DNAH12: variants seen among roughly 807,000 people sequenced by gnomAD.
DNAH12 encodes the protein dynein axonemal heavy chain 12.
DNAH12 carries 285 observed loss-of-function variants against 371.5 expected under a neutral mutation model. The ratio of observed to expected loss-of-function variants is 0.77; its 90% CI spans 0.70 to 0.85. The LOEUF is 0.85. DNAH12 is among the 40% of genes least tolerant of loss of function. The pLI, the probability that DNAH12 is intolerant of heterozygous loss-of-function variation, is 0.00. For missense variants in DNAH12, 3,611 were observed against 3,689.4 expected, an observed-to-expected ratio of 0.98 and a Z score of 0.55; for synonymous variants, 1,200 against 1,213.0, an observed-to-expected ratio of 0.99 and a Z score of 0.22.
chr3:57,325,263 GCCT>G (rs1024879977), intron 62 of DNAH12, among the ~76,000 whole-genome samples: 2 of 152,230 alleles, frequency 1.3e-5, no homozygotes, highest in African/African-American at 2.4e-5. Flanking sequence ...CGGGCAGACT[GCCT>G]CCTCAAGTGG....
intron 45 of DNAH12, among the ~76,000 whole-genome samples, chr3:57,391,531 T>G (rs2063623314): frequency 6.6e-6 from 1 of 152,170 alleles, no homozygotes; most frequent in Admixed American, 6.5e-5. Context: ...ACATACAAAT[T>G]TCCTATTGAT....
At position 57,322,333 on chromosome 3, in the gene DNAH12, T is replaced by C. The variant is rs772387132; in HGVS notation, c.10524+10A>G. On this transcript the variant is annotated intron_variant, in intron 65 of 73. Coordinates refer to ENST00000495027, the MANE Select transcript of DNAH12 (RefSeq NM_001366028.2). ...AACACATTTTAAAAGTTCCAAAAGA[T>C]GAATATTACCAGTTCCTTTCCACGG... 4 of 1,540,900 alleles carry C rather than the reference T, an allele frequency of 2.6e-6. No individual in the cohort carries two copies. The highest frequency in any genetic ancestry group is 3.5e-6 in the Non-Finnish European group (4 of 1,142,222).
Position 57,454,784 on chromosome 3 carries a change from G to A in DNAH12, c.3447C>T (p.Gly1149=), listed in dbSNP as rs534663692. ...WTSETQEVIS[G]GTEGLKKYYK... Reference sequence around the variant, plus strand: ...GCAAACAATGCTTTACCTCCGTCCCGCCACTTATCACTTCCTGTGTCTCAG... The same window carrying A: ...GCAAACAATGCTTTACCTCCGTCCCACCACTTATCACTTCCTGTGTCTCAG... Residue 1149 remains glycine, a synonymous_variant, in exon 23 of 74, where the codon GGC becomes GGT. Coordinates refer to ENST00000495027, the MANE Select transcript of DNAH12 (RefSeq NM_001366028.2). 1.5e-5 allele frequency: 23 copies of A among 1,551,000 alleles called. No individual in the cohort carries two copies. Among genetic ancestry groups the A allele is most frequent in the African/African-American group, 1.1e-4 (8 of 73,138 alleles).
At chr3:57,455,427 G>A (rs1170231995) in intron 22 of DNAH12, among the ~76,000 whole-genome samples, 3 of 151,760 alleles carry the variant, frequency 2.0e-5, no homozygotes, top group African/African-American at 4.8e-5. Context: ...AAAAATAGCT[G>A]GGCATGGTGG....
chr3:57,316,835 TGTAA>T (rs2061696488), intron 65 of DNAH12, among the ~76,000 whole-genome samples: 1 of 152,208 alleles, frequency 6.6e-6, no homozygotes, highest in Non-Finnish European at 1.5e-5. Context: ...CCACCATGAT[TGTAA>T]GTTTCCCGAG....
At chr3:57,309,979 A>C (rs2061554113) in intron 67 of DNAH12, 125 bp from the exon 68 acceptor site, 1 of 721,308 alleles carries the variant, frequency 1.4e-6, no homozygotes, top group Non-Finnish European at 2.1e-6. Flanking sequence ...CCAATTAATA[A>C]TTAACAGATA....
At position 57,421,709 on chromosome 3, in the gene DNAH12, G is replaced by A. The variant is rs1404856976; in HGVS notation, c.5374-3C>T. On this transcript the variant is annotated splice_region_variant and splice_polypyrimidine_tract_variant and intron_variant, in intron 35 of 73. Transcript: ENST00000495027. Reference sequence around the variant, plus strand: ...ATCAAAGAGAATATAAAGCAAGCCTGTTGGTGGAGAAAAAATTTAACTTAT... The same window carrying A: ...ATCAAAGAGAATATAAAGCAAGCCTATTGGTGGAGAAAAAATTTAACTTAT... 7.1e-6 allele frequency: 11 copies of A among 1,551,470 alleles called. No individual in the cohort carries two copies. Among genetic ancestry groups the A allele is most frequent in the Non-Finnish European group, 9.6e-6 (11 of 1,146,932 alleles).
chr3:57,358,778 C>G (rs1048557797), intron 58 of DNAH12, among the ~76,000 whole-genome samples: 27 of 152,078 alleles, frequency 1.8e-4, no homozygotes, highest in Non-Finnish European at 3.4e-4. Context: ...CAGAAACAAA[C>G]AGGAAATATA....
chr3:57,316,880 A>G (rs929617512), intron 65 of DNAH12, among the ~76,000 whole-genome samples: 1 of 152,196 alleles, frequency 6.6e-6, no homozygotes, highest in Non-Finnish European at 1.5e-5. Flanking sequence ...TTGTAAGTCA[A>G]TTAAACCTCT....
chr3:57,308,300 T>C (rs2061514044), intron 69 of DNAH12, among the ~76,000 whole-genome samples: 1 of 152,168 alleles, frequency 6.6e-6, no homozygotes, highest in African/African-American at 2.4e-5. Context: ...ACTTTATTAG[T>C]CAAATCACCC....
intron 43 of DNAH12, among the ~76,000 whole-genome samples, chr3:57,402,648 G>A (rs1452534187): frequency 1.3e-5 from 2 of 152,166 alleles, no homozygotes; most frequent in African/African-American, 2.4e-5. Context: ...CCTCATGGAG[G>A]TAGAGAGTAG....
intron 72 of DNAH12, 81 bp downstream of exon 72, chr3:57,296,263 T>C: frequency 9.8e-7 from 1 of 1,021,030 alleles, no homozygotes; most frequent in Non-Finnish European, 1.4e-6. Context: ...AAAAGAGGAC[T>C]TTTTTTTTAA....
chr3:57,482,438 A>T (rs982770259), intron 13 of DNAH12, among the ~76,000 whole-genome samples: 2,074 of 151,360 alleles, frequency 0.014, 58 homozygotes, highest in African/African-American at 0.047. Context: ...GCTGGAGAGG[A>T]TGTGGAGAAA....
intron 69 of DNAH12, among the ~76,000 whole-genome samples, chr3:57,308,596 C>T (rs1353506686): frequency 2.0e-5 from 3 of 152,172 alleles, no homozygotes; most frequent in Non-Finnish European, 4.4e-5. Flanking sequence ...TACTCCTATT[C>T]ACCATTCTCA....
intron 5 of DNAH12, among the ~76,000 whole-genome samples, chr3:57,509,975 C>CCACACACA (rs1277121524): frequency 4.7e-5 from 7 of 150,214 alleles, no homozygotes; most frequent in African/African-American, 1.7e-4. Flanking sequence ...TATGTTCCCA[C>CCACACACA]CACACACAAA....
intron 29 of DNAH12, among the ~76,000 whole-genome samples, 190 bp downstream of exon 29, chr3:57,444,507 T>G (rs2065412274): frequency 6.6e-6 from 1 of 152,140 alleles, no homozygotes; most frequent in Admixed American, 6.5e-5. Flanking sequence ...ACCTGAATCT[T>G]GACAGGTTAA....
At chr3:57,478,934 T>C (rs1575659674) in intron 13 of DNAH12, among the ~76,000 whole-genome samples, 1 of 151,952 alleles carries the variant, frequency 6.6e-6, no homozygotes, top group African/African-American at 2.4e-5. Context: ...GCGCTAAACA[T>C]GGAAAGGAAC....
At chr3:57,389,313 T>G (rs2063560956) in intron 45 of DNAH12, among the ~76,000 whole-genome samples, 2 of 151,968 alleles carry the variant, frequency 1.3e-5, no homozygotes, top group Non-Finnish European at 2.9e-5. Flanking sequence ...TCATGCACAT[T>G]TAATACTATC....
intron 1 of DNAH12, among the ~76,000 whole-genome samples, chr3:57,543,315 GTTTT>G (rs5849214): frequency 2.0e-4 from 14 of 70,280 alleles, no homozygotes; most frequent in African/African-American, 7.5e-4. Context: ...ATCATTAATG[GTTTT>G]TTTTTTTTTT....
Sources: gnomAD v4.1 joint callset for allele counts (sites outside exome capture counted in the v4.1 genomes callset) on GRCh38, gnomAD v4.1.1 for gene constraint, MANE v1.5 for transcripts, NCBI Gene and HGNC (gene_info 2026-07-23, HGNC 2026-07-21) for gene names.